SYNPO2: variants seen among roughly 807,000 people sequenced by gnomAD.
The protein encoded by SYNPO2 is synaptopodin 2.
Under a neutral mutation model 85.0 loss-of-function variants are expected in SYNPO2, and 56 were observed. The ratio of observed to expected loss-of-function variants is 0.66; its 90% CI spans 0.53 to 0.82. The LOEUF (loss-of-function observed/expected upper bound fraction) is 0.82, where lower values mean the gene tolerates loss of function less well. Ranked by LOEUF, SYNPO2 falls within the 40% of genes least tolerant of loss-of-function variation. The pLI, the probability that SYNPO2 is intolerant of heterozygous loss-of-function variation, is 0.00. For synonymous variants in SYNPO2, 602 were observed against 591.1 expected (o/e 1.02, Z -0.27); for missense variants, 1,575 against 1,534.2 (o/e 1.03, Z -0.44).
intron 1 of SYNPO2, among the ~76,000 whole-genome samples, chr4:118,895,075 T>C (rs1387785784): frequency 1.3e-5 from 2 of 152,192 alleles, no homozygotes; most frequent in African/African-American, 4.8e-5. Flanking sequence ...TATAAACATA[T>C]ATTTCTTCCA....
At chr4:118,994,360 G>A (rs1425114624) in intron 1 of SYNPO2, among the ~76,000 whole-genome samples, 1 of 152,190 alleles carries the variant, frequency 6.6e-6, no homozygotes, top group Non-Finnish European at 1.5e-5. Context: ...TTTCCTAGGC[G>A]GGTCTCCTGA....
At chr4:119,019,737 G>A (rs371377082) in intron 1 of SYNPO2, among the ~76,000 whole-genome samples, 3 of 152,078 alleles carry the variant, frequency 2.0e-5, no homozygotes, top group South Asian at 4.1e-4. Context: ...GGGTAGTAGC[G>A]TAACTCATCT....
intron 1 of SYNPO2, among the ~76,000 whole-genome samples, chr4:118,883,308 C>G (rs1431323414): frequency 6.6e-6 from 1 of 152,020 alleles, no homozygotes; most frequent in African/African-American, 2.4e-5. Context: ...AATTAGGAAG[C>G]AGTCATAAAC....
At chr4:118,904,229 T>G (rs867156037) in intron 1 of SYNPO2, among the ~76,000 whole-genome samples, 1 of 141,918 alleles carries the variant, frequency 7.0e-6, no homozygotes, top group East Asian at 2.3e-4. Flanking sequence ...TTAGAAAACA[T>G]TCAAGAGTTT....
At chr4:118,999,681 A>C (rs1222725485) in intron 1 of SYNPO2, among the ~76,000 whole-genome samples, 1 of 152,140 alleles carries the variant, frequency 6.6e-6, no homozygotes, top group Non-Finnish European at 1.5e-5. Context: ...ATAGACTAAT[A>C]ATACCTCTTC....
chr4:119,018,695 A>T (rs1010013915), intron 1 of SYNPO2, among the ~76,000 whole-genome samples: 6 of 152,092 alleles, frequency 3.9e-5, no homozygotes, highest in African/African-American at 1.4e-4. Context: ...TAAACTGGAG[A>T]TGGTTGATGG....
At chr4:118,956,925 A>G (rs1347550055) in intron 1 of SYNPO2, among the ~76,000 whole-genome samples, 1 of 151,972 alleles carries the variant, frequency 6.6e-6, no homozygotes, top group African/African-American at 2.4e-5. Flanking sequence ...GGTGCCTATA[A>G]TCCCAGCTAC....
At chr4:119,050,661 T>C (rs1308894973) in intron 4 of SYNPO2, among the ~76,000 whole-genome samples, 1 of 152,216 alleles carries the variant, frequency 6.6e-6, no homozygotes, top group Non-Finnish European at 1.5e-5. Context: ...AATGCCTCCT[T>C]AGTGTTAAGC....
chr4:118,963,009 T>C (rs898139822), intron 1 of SYNPO2, among the ~76,000 whole-genome samples: 8 of 152,294 alleles, frequency 5.3e-5, no homozygotes, highest in African/African-American at 1.9e-4. Context: ...TGTCCCATAA[T>C]ATGAAGACAG....
intron 1 of SYNPO2, among the ~76,000 whole-genome samples, chr4:118,912,154 T>C (rs1479639888): frequency 6.6e-6 from 1 of 152,210 alleles, no homozygotes; most frequent in Non-Finnish European, 1.5e-5. Context: ...ATCTAAAGAA[T>C]TAATTGTTGA....
At chr4:118,929,661 C>G (rs1242512213) in intron 1 of SYNPO2, among the ~76,000 whole-genome samples, 1 of 151,904 alleles carries the variant, frequency 6.6e-6, no homozygotes, top group Admixed American at 6.6e-5. Context: ...CAATTATCTC[C>G]CAAGGCTCTA....
intron 1 of SYNPO2, among the ~76,000 whole-genome samples, chr4:119,012,572 C>T (rs184464021): frequency 9.9e-5 from 15 of 151,984 alleles, no homozygotes; most frequent in South Asian, 4.2e-4. Flanking sequence ...CAACAGGTTC[C>T]GGTGTGTGAT....
chr4:119,056,160 G>A (rs2149202175), intron 4 of SYNPO2, among the ~76,000 whole-genome samples: 1 of 152,294 alleles, frequency 6.6e-6, no homozygotes, highest in African/African-American at 2.4e-5. Context: ...CATGCATATT[G>A]GAATGTGTGA....
At chr4:118,976,170 G>A (rs535483270) in intron 1 of SYNPO2, among the ~76,000 whole-genome samples, 1 of 151,980 alleles carries the variant, frequency 6.6e-6, no homozygotes, top group Non-Finnish European at 1.5e-5. Flanking sequence ...TGGCACGTCT[G>A]GAGTCTGTCC....
intron 4 of SYNPO2, chr4:119,033,260 G>A (rs1178273172): frequency 1.0e-6 from 1 of 985,274 alleles, no homozygotes; most frequent in East Asian, 1.1e-4. Context: ...TCTTGTGTTT[G>A]CTTTGCTTTT....
intron 1 of SYNPO2, among the ~76,000 whole-genome samples, chr4:118,870,081 G>A (rs1026556379): frequency 6.6e-6 from 1 of 152,206 alleles, no homozygotes; most frequent in African/African-American, 2.4e-5. Flanking sequence ...AGAGTTGGGA[G>A]GAGTAATGAA....
intron 1 of SYNPO2, among the ~76,000 whole-genome samples, chr4:119,015,740 T>C (rs1737499447): frequency 6.6e-6 from 1 of 152,232 alleles, no homozygotes; most frequent in Non-Finnish European, 1.5e-5. Flanking sequence ...TTAAATGTCT[T>C]GGGATCATTA....
chr4:118,878,958 C>T (rs897348571), intron 1 of SYNPO2, among the ~76,000 whole-genome samples: 43 of 152,308 alleles, frequency 2.8e-4, no homozygotes, highest in African/African-American at 8.9e-4. Context: ...CCTCTAAGAG[C>T]TGTAACACTC....
rs547167549 is a variant in SYNPO2 at position 119,061,112 on chromosome 4, T to C, written c.*3178T>C. On this transcript the variant is annotated 3_prime_UTR_variant, in exon 5 of 5. Transcript: ENST00000307142. Reference sequence around the variant, plus strand: ...ACTAATATCTACATGGTCCACACTTTTCTATTTTAAAAAATTGTGTTCTCT... The same window carrying C: ...ACTAATATCTACATGGTCCACACTTCTCTATTTTAAAAAATTGTGTTCTCT... 1.7e-4 allele frequency: 26 copies of C among 152,294 alleles called. No individual in the cohort carries two copies. The highest frequency in any genetic ancestry group is 1.3e-3 in the East Asian group (7 of 5,188). The allele number at this position is 152,294 out of a possible 1,614,324, so 9.4% of individuals were successfully genotyped here.
Sources: allele counts gnomAD v4.1 joint callset (sites outside exome capture counted in the v4.1 genomes callset), GRCh38; gene constraint gnomAD v4.1.1; transcripts MANE v1.5; gene names NCBI Gene and HGNC (gene_info 2026-07-23, HGNC 2026-07-21).